Variants in LAMA4 observed in about 807,000 individuals in gnomAD.
LAMA4 encodes the protein laminin subunit alpha 4, also known as laminin subunit alpha-4.
In LAMA4, 127 loss-of-function variants were observed where a neutral mutation model predicts 207.1. The observed-to-expected ratio is 0.61, with a 90% CI of 0.53 to 0.71. The LOEUF is 0.71. Among genes scored for constraint, LAMA4 ranks in the 30% least tolerant of loss-of-function variants. LAMA4 has a pLI of 0.00. For missense variants in LAMA4, 2,093 were observed against 2,246.5 expected, an observed-to-expected ratio of 0.93 and a Z score of 1.38; for synonymous variants, 761 against 816.0, an observed-to-expected ratio of 0.93 and a Z score of 1.15.
chr6:112,168,176 C>T (rs1306656301), intron 12 of LAMA4, among the ~76,000 whole-genome samples: 1 of 140,324 alleles, frequency 7.1e-6, no homozygotes, highest in Non-Finnish European at 1.5e-5. Flanking sequence ...CCAGCCTGGG[C>T]AACAGAGCGA....
chr6:112,254,243 T>G lies in LAMA4; in HGVS notation c.-93A>C. ...GTGGTGCGGCGGTGCCTCGCTTATT[T>G]TCCCTCCTCTCCGTGTGCAGTATCC... On this transcript the variant is annotated 5_prime_UTR_variant, in exon 2 of 39. Transcript: ENST00000230538. 1 of 1,514,888 alleles carries G rather than the reference T, an allele frequency of 6.6e-7. No homozygotes were observed. Among genetic ancestry groups the G allele is most frequent in the Non-Finnish European group, 9.1e-7 (1 of 1,102,058 alleles). 93.8% of individuals were successfully genotyped at this position (1,514,888 alleles called of 1,614,324 possible). A position where few individuals can be genotyped will look rare whatever the true frequency, so the allele number is the denominator to read the frequency against.
rs782769447 is a variant in LAMA4, at chr6:112,109,458, G to C, written c.5451C>G (p.Ile1817Met). The C allele has an allele frequency of 6.2e-7, 1 of 1,613,916 alleles. No homozygotes were observed. Among genetic ancestry groups the C allele is most frequent in the South Asian group, 1.1e-5 (1 of 91,076 alleles). ...KAALVSGAVS[I>M]NSCPAA is the part of the protein sequence containing the mutation. ...CATGTCAGGCTGCTGGACAGGAGTTGATGCTTACGGCGCCGCTGACCAGGG... is the reference window on the plus strand; with the variant it reads ...CATGTCAGGCTGCTGGACAGGAGTTCATGCTTACGGCGCCGCTGACCAGGG... The change falls in exon 39 of 39, where the codon ATC (isoleucine) becomes ATG (methionine). Residue 1817 changes from isoleucine to methionine, a missense_variant. Ile to Met is a conservative substitution (Grantham distance 10, BLOSUM62 1). Around this residue, in one of 3 missense-constraint regions of LAMA4, gnomAD observed 383 missense variants for 437.8 expected, o/e 0.87. Coordinates refer to ENST00000230538, the MANE Select transcript of LAMA4 (RefSeq NM_001105206.3).
intron 25 of LAMA4, among the ~76,000 whole-genome samples, 182 bp from the exon 26 acceptor site, chr6:112,134,791 T>C (rs868906629): frequency 6.6e-5 from 10 of 152,176 alleles, no homozygotes; most frequent in Admixed American, 2.6e-4. Flanking sequence ...CTCTTGCTTC[T>C]ACAAGCAGCA....
intron 4 of LAMA4, among the ~76,000 whole-genome samples, chr6:112,202,443 G>GGT (rs3831518): frequency 1.6e-3 from 244 of 150,132 alleles, no homozygotes; most frequent in Middle Eastern, 6.9e-3. Context: ...GGGGCATAGG[G>GGT]GTGTGTGTGT....
intron 3 of LAMA4, 143 bp downstream of exon 3, chr6:112,216,225 A>C (rs1472103573): frequency 5.7e-6 from 4 of 707,058 alleles, no homozygotes; most frequent in Non-Finnish European, 5.2e-6. Context: ...GAGTTGTTTC[A>C]CAGGAAAAGC....
intron 19 of LAMA4, among the ~76,000 whole-genome samples, chr6:112,142,547 C>T (rs2114710123): frequency 6.6e-6 from 1 of 152,228 alleles, no homozygotes; most frequent in East Asian, 1.9e-4. Flanking sequence ...ATGAATTCCA[C>T]CATGAACAGT....
chr6:112,174,382 T>C (rs1781895618), intron 11 of LAMA4, among the ~76,000 whole-genome samples: 1 of 152,244 alleles, frequency 6.6e-6, no homozygotes, highest in Admixed American at 6.5e-5. Context: ...AACCAATATA[T>C]GTCACATGGA....
chr6:112,249,933 T>C lies in LAMA4; in HGVS notation c.195+4023A>G, dbSNP rs563850001. Among the ~76,000 whole-genome samples, 3 of 152,370 alleles carry C rather than the reference T, an allele frequency of 2.0e-5. No homozygotes were observed. The East Asian group carries it at 5.8e-4, about 29-fold the overall frequency. On this transcript the variant is annotated intron_variant, in intron 2 of 38. Transcript: ENST00000230538. ...GGCACTTACCTTGTAGCCACTCTTA[T>C]AGAATGTTAGTACATTGTTCTGTAT...
At position 112,139,245 on chromosome 6, in the gene LAMA4, C is replaced by G. The variant is rs1315140351; in HGVS notation, c.3157G>C (p.Asp1053His). The G allele has an allele frequency of 1.2e-6, 2 of 1,614,132 alleles. No homozygotes were observed. Among genetic ancestry groups the G allele is most frequent in the Non-Finnish European group, 1.7e-6 (2 of 1,180,000 alleles). The stretch of plus-strand genomic sequence containing the variant: ...CTCACCACGGCATAACCGGAGCCAT[C>G]GAAGAAGTAACTGGCAGCCCGACTC... ...TQSRAASYFFDGSGYAVVRDI... is the reference protein window; with the variant it reads ...TQSRAASYFFHGSGYAVVRDI... Residue 1053 changes from aspartate to histidine, a missense_variant, in exon 24 of 39, where the codon GAT becomes CAT. Physicochemically the swap from Asp to His is moderately conservative, Grantham distance 81 (BLOSUM62 -1). Coordinates refer to ENST00000230538, the MANE Select transcript of LAMA4 (RefSeq NM_001105206.3).
intron 12 of LAMA4, among the ~76,000 whole-genome samples, chr6:112,168,197 C>CAA (rs540870021): frequency 2.5e-4 from 16 of 65,248 alleles, no homozygotes; most frequent in African/African-American, 5.7e-4. Context: ...GACTCCGTCT[C>CAA]AAAAAAAAAA....
intron 32 of LAMA4, among the ~76,000 whole-genome samples, chr6:112,120,740 T>C (rs1554325937): frequency 2.0e-5 from 3 of 152,200 alleles, no homozygotes; most frequent in African/African-American, 7.2e-5. Context: ...TTACTGTGTC[T>C]TGGTTTGAAA....
At chr6:112,235,787 C>T (rs1435978659) in intron 2 of LAMA4, among the ~76,000 whole-genome samples, 2 of 152,054 alleles carry the variant, frequency 1.3e-5, no homozygotes, top group Non-Finnish European at 2.9e-5. Flanking sequence ...TGAATGCTTA[C>T]TTTCTAAGTA....
chr6:112,254,166 C>T lies in LAMA4; in HGVS notation c.-16G>A, dbSNP rs1240284068. The T allele has an allele frequency of 6.2e-7, 1 of 1,612,358 alleles. No homozygotes were observed. Among genetic ancestry groups the T allele is most frequent in the East Asian group, 2.2e-5 (1 of 44,880 alleles). ...TCAAAGCCATTTCTCCGCTGACATC[C>T]AGTAGTGCTCTTCCAGGGCTCGGGC... On this transcript the variant is annotated 5_prime_UTR_variant, in exon 2 of 39. Coordinates refer to ENST00000230538, the MANE Select transcript of LAMA4 (RefSeq NM_001105206.3).
chr6:112,158,806 G>T lies in LAMA4; in HGVS notation c.1743C>A (p.Asn581Lys), dbSNP rs1780878481. The T allele has an allele frequency of 1.9e-6, 3 of 1,612,534 alleles. No homozygotes were observed. The highest frequency in any genetic ancestry group is 2.5e-6 in the Non-Finnish European group (3 of 1,178,604). ...CTTCTTGGACTAAATCATGGCTGAGGTTACTTAGGTTAGATAGTTTTACTT... is the reference window on the plus strand; with the variant it reads ...CTTCTTGGACTAAATCATGGCTGAGTTTACTTAGGTTAGATAGTTTTACTT... ...ELQVKLSNLS[N>K]LSHDLVQEAI... is the part of the protein sequence containing the mutation. Residue 581 changes from asparagine to lysine, a missense_variant, in exon 14 of 39, where the codon AAC becomes AAA. Asn to Lys is a moderately conservative substitution (Grantham distance 94). Around this residue, in one of 3 missense-constraint regions of LAMA4, gnomAD observed 1,704 missense variants for 1,788.4 expected, o/e 0.95. Transcript: ENST00000230538.
At chr6:112,251,197 G>A (rs1172198884) in intron 2 of LAMA4, 3 of 152,200 alleles carry the variant, frequency 2.0e-5, no homozygotes, top group African/African-American at 7.2e-5. Context: ...GCTTTGGCTT[G>A]TTTTACAAGG....
At position 112,154,846 on chromosome 6, in the gene LAMA4, T is replaced by C. The variant is rs781878507; in HGVS notation, c.2056+5A>G. On this transcript the variant is annotated splice_donor_5th_base_variant and intron_variant, in intron 16 of 38. Transcript: ENST00000230538. ...GAAAGGAGATAGGAAAGTGAAGATA[T>C]TTACTAGACTCTGCCTTTGCTTGCA... 1 of 1,565,284 alleles carries C rather than the reference T, an allele frequency of 6.4e-7. No homozygotes were observed. The highest frequency in any genetic ancestry group is 1.1e-5 in the South Asian group (1 of 90,102).
At chr6:112,228,992 C>T (rs116257679) in intron 2 of LAMA4, among the ~76,000 whole-genome samples, 13 of 152,312 alleles carry the variant, frequency 8.5e-5, no homozygotes, top group African/African-American at 3.1e-4. Context: ...CGAAGTGATA[C>T]CTGATTCACT....
At chr6:112,204,740 C>T (rs1339087371) in intron 4 of LAMA4, among the ~76,000 whole-genome samples, 1 of 152,150 alleles carries the variant, frequency 6.6e-6, no homozygotes, top group Non-Finnish European at 1.5e-5. Context: ...TCAGGACATA[C>T]TTGAGTGAAA....
At chr6:112,191,391 G>T (rs1554348947) in intron 6 of LAMA4, among the ~76,000 whole-genome samples, 18 of 152,174 alleles carry the variant, frequency 1.2e-4, no homozygotes. Context: ...TAAGACAAAA[G>T]TTCATTTGTT....
Sources: gnomAD v4.1 joint callset for allele counts (sites outside exome capture counted in the v4.1 genomes callset) on GRCh38, gnomAD v4.1.1 for gene constraint, gnomAD v4.1.1 regional missense constraint, MANE v1.5 for transcripts, NCBI Gene and HGNC (gene_info 2026-07-23, HGNC 2026-07-21) for gene names.